Variants in EEFSEC observed in about 807,000 individuals in gnomAD.
EEFSEC encodes the protein eukaryotic elongation factor, selenocysteine-tRNA specific.
A neutral mutation model predicts 42.1 loss-of-function variants in EEFSEC; 43 were observed. The ratio of observed to expected loss-of-function variants is 1.02; its 90% CI spans 0.80 to 1.32. EEFSEC has a LOEUF of 1.32. Ranked by LOEUF, EEFSEC falls within the 40% of genes most tolerant of loss-of-function variation. The probability of loss-of-function intolerance (pLI) is 0.00; values close to 1 mark genes in which losing one functional copy is unlikely to be tolerated. For synonymous variants in EEFSEC, 354 were observed against 339.1 expected (o/e 1.04, Z -0.48); for missense variants, 745 against 803.6 (o/e 0.93, Z 0.88).
chr3:128,216,561 CCTGCCCCT>C (rs369703161), intron 1 of EEFSEC, among the ~76,000 whole-genome samples: 1 of 152,236 alleles, frequency 6.6e-6, no homozygotes, highest in African/African-American at 2.4e-5. Flanking sequence ...TGCCCACCCA[CCTGCCCCT>C]CTGCCCCTCG....
At chr3:128,229,905 C>G (rs1279931030) in intron 1 of EEFSEC, among the ~76,000 whole-genome samples, 1 of 152,190 alleles carries the variant, frequency 6.6e-6, no homozygotes, top group Non-Finnish European at 1.5e-5. Flanking sequence ...TGACTTATGC[C>G]TAGCCCATGT....
intron 4 of EEFSEC, among the ~76,000 whole-genome samples, chr3:128,314,391 T>G (rs187327743): frequency 6.6e-6 from 1 of 152,340 alleles, no homozygotes; most frequent in East Asian, 1.9e-4. Context: ...TCACCCAGGC[T>G]GGAGTGCCAT....
At chr3:128,395,744 T>C (rs7632169) in intron 6 of EEFSEC, among the ~76,000 whole-genome samples, 62,579 of 152,040 alleles carry the variant, frequency 0.41, 15,936 homozygotes, top group African/African-American at 0.72. Flanking sequence ...AGCAGAGGGC[T>C]GAGCCTCAGT....
the EEFSEC span, among the ~76,000 whole-genome samples, chr3:128,420,726 G>A: frequency 6.6e-6 from 1 of 152,166 alleles, no homozygotes; most frequent in African/African-American, 2.4e-5. Flanking sequence ...GGAGAAGTGG[G>A]GGCCCCAATA....
At chr3:128,156,298 C>T (rs865805568) in intron 1 of EEFSEC, among the ~76,000 whole-genome samples, 18 of 152,274 alleles carry the variant, frequency 1.2e-4, no homozygotes, top group Middle Eastern at 3.4e-3. Context: ...CTGCAAGGAG[C>T]GTGGTGGTTA....
chr3:128,213,464 C>G (rs2065779812), intron 1 of EEFSEC, among the ~76,000 whole-genome samples: 1 of 152,126 alleles, frequency 6.6e-6, no homozygotes, highest in South Asian at 2.1e-4. Context: ...GATACCTGGC[C>G]CAGTGCCATT....
chr3:128,274,775 C>T (rs1433858393), intron 4 of EEFSEC, among the ~76,000 whole-genome samples: 1 of 152,194 alleles, frequency 6.6e-6, no homozygotes, highest in Non-Finnish European at 1.5e-5. Flanking sequence ...TCTTGGGTCC[C>T]AGGCATAAAC....
intron 2 of EEFSEC, among the ~76,000 whole-genome samples, chr3:128,248,493 C>T (rs1424669439): frequency 1.3e-5 from 2 of 152,140 alleles, no homozygotes; most frequent in Non-Finnish European, 2.9e-5. Flanking sequence ...TTCATCAATC[C>T]GATAAAATCG....
chr3:128,265,640 C>G (rs1202020653), intron 4 of EEFSEC, among the ~76,000 whole-genome samples: 1 of 152,310 alleles, frequency 6.6e-6, no homozygotes, highest in East Asian at 1.9e-4. Context: ...TGGAGGTGCT[C>G]AGCCCTGTGG....
chr3:128,255,602 A>G (rs1004696646), intron 2 of EEFSEC, among the ~76,000 whole-genome samples: 4 of 152,236 alleles, frequency 2.6e-5, no homozygotes, highest in African/African-American at 9.6e-5. Context: ...AGTACTTAGT[A>G]AATGTCCTGC....
chr3:128,270,134 GACT>G (rs2066398873), intron 4 of EEFSEC, among the ~76,000 whole-genome samples: 1 of 152,226 alleles, frequency 6.6e-6, no homozygotes, highest in Admixed American at 6.5e-5. Flanking sequence ...GTGTGGTGTG[GACT>G]AGGGATAATG....
intron 6 of EEFSEC, among the ~76,000 whole-genome samples, chr3:128,398,487 G>A (rs545655917): frequency 6.6e-6 from 1 of 152,320 alleles, no homozygotes; most frequent in Admixed American, 6.5e-5. Flanking sequence ...GAGGTCTTCA[G>A]TGAGCAGCTG....
intron 1 of EEFSEC, among the ~76,000 whole-genome samples, chr3:128,229,411 C>CA (rs2065938308): frequency 6.6e-6 from 1 of 152,174 alleles, no homozygotes. Context: ...TCCTTTCCTC[C>CA]AGGATGACCC....
Position 128,289,189 on chromosome 3 carries a change from C to T in EEFSEC, c.786+24408C>T, listed in dbSNP as rs144897769. ...GCTAATACAGAGCGACACCACCACT[C>T]AGCTCTGTGGAACTTCTCCCCAGTG... On this transcript the variant is annotated intron_variant, in intron 4 of 6. Transcript: ENST00000254730. Among the ~76,000 whole-genome samples the T allele has an allele frequency of 6.6e-4, 101 of 152,354 alleles. 2 individuals are homozygous for T. In the East Asian group the frequency reaches 0.018, roughly 27 times the overall value.
At chr3:128,231,172 G>T (rs1195232987) in intron 1 of EEFSEC, among the ~76,000 whole-genome samples, 1 of 151,998 alleles carries the variant, frequency 6.6e-6, no homozygotes, top group African/African-American at 2.4e-5. Flanking sequence ...CCAAGCCTCA[G>T]ATTTCTCATA....
intron 2 of EEFSEC, among the ~76,000 whole-genome samples, chr3:128,258,383 C>T (rs9834219): frequency 0.028 from 4,261 of 152,286 alleles, 197 homozygotes; most frequent in African/African-American, 0.095. Flanking sequence ...GTGCTGAGCT[C>T]TGGATTCCTC....
rs2107968908 is a variant in EEFSEC at position 128,282,620 on chromosome 3, A to G, written c.786+17839A>G. On this transcript the variant is annotated intron_variant, in intron 4 of 6. Coordinates refer to ENST00000254730, the MANE Select transcript of EEFSEC (RefSeq NM_021937.5). Reference sequence around the variant, plus strand: ...GTGAGCCCTAGAGTGTACACAGCTTAGGAAGGGGGACTGGGGAAGCTGCCC... The same window carrying G: ...GTGAGCCCTAGAGTGTACACAGCTTGGGAAGGGGGACTGGGGAAGCTGCCC... Among the ~76,000 whole-genome samples the G allele has an allele frequency of 1.3e-5, 2 of 152,294 alleles. 1 individual carries two copies. The highest frequency in any genetic ancestry group is 4.1e-4 in the South Asian group (2 of 4,826).
rs1191858168 is a variant in EEFSEC at position 128,408,153 on chromosome 3, A to G, written c.1685A>G (p.Gln562Arg). 6 of 1,612,660 alleles carry G rather than the reference A, an allele frequency of 3.7e-6. No individual in the cohort carries two copies. In the East Asian group the frequency reaches 1.3e-4, roughly 36 times the overall value. Reference protein sequence around the residue: ...ARAGRGEATRQEESAERSEPS... With the variant: ...ARAGRGEATRREESAERSEPS... ...GCTGGCCGTGGGGAGGCCACCAGGC[A>G]GGAGGAGAGCGCCGAGCGGAGCGAG... Residue 562 changes from glutamine (Q) to arginine (R), a missense_variant, in exon 7 of 7, where the codon CAG becomes CGG. Coordinates refer to ENST00000254730, the MANE Select transcript of EEFSEC (RefSeq NM_021937.5).
intron 4 of EEFSEC, among the ~76,000 whole-genome samples, chr3:128,275,284 T>A (rs2066456361): frequency 6.6e-6 from 1 of 152,184 alleles, no homozygotes; most frequent in East Asian, 1.9e-4. Context: ...TTGTGCCCAA[T>A]GCAAGCATGG....
Sources: allele counts gnomAD v4.1 joint callset (sites outside exome capture counted in the v4.1 genomes callset), GRCh38; gene constraint gnomAD v4.1.1; transcripts MANE v1.5; gene names NCBI Gene and HGNC (gene_info 2026-07-23, HGNC 2026-07-21).